ZFPM2: variants seen among roughly 807,000 people sequenced by gnomAD.
ZFPM2 encodes the protein zinc finger protein ZFPM2.
ZFPM2 carries 20 observed loss-of-function variants against 98.6 expected under a neutral mutation model. The observed-to-expected ratio is 0.20, with a 90% CI of 0.14 to 0.29. The LOEUF (loss-of-function observed/expected upper bound fraction) is 0.29, where lower values mean the gene tolerates loss of function less well. Among genes scored for constraint, ZFPM2 ranks in the 10% least tolerant of loss-of-function variants. The pLI, the probability that ZFPM2 is intolerant of heterozygous loss-of-function variation, is 1.00. For synonymous variants in ZFPM2, 518 were observed against 502.7 expected (o/e 1.03, Z -0.41); for missense variants, 1,310 against 1,388.6 (o/e 0.94, Z 0.90).
chr8:105,588,660 T>C (rs539278147), intron 4 of ZFPM2, among the ~76,000 whole-genome samples: 6 of 152,320 alleles, frequency 3.9e-5, no homozygotes, highest in Non-Finnish European at 8.8e-5. Context: ...TCTAAATTTC[T>C]TTTTTATTGG....
intron 5 of ZFPM2, among the ~76,000 whole-genome samples, chr8:105,679,543 G>A (rs1281572919): frequency 6.6e-6 from 1 of 152,030 alleles, no homozygotes; most frequent in African/African-American, 2.4e-5. Flanking sequence ...AAACGTACTG[G>A]GTGAGAGTGG....
At chr8:105,614,154 A>G (rs775962917) in intron 4 of ZFPM2, among the ~76,000 whole-genome samples, 1 of 152,160 alleles carries the variant, frequency 6.6e-6, no homozygotes, top group Non-Finnish European at 1.5e-5. Context: ...TTTTTTTCCA[A>G]ACAATTCCAG....
chr8:105,611,933 G>C (rs1196479343), intron 4 of ZFPM2, among the ~76,000 whole-genome samples: 2 of 151,824 alleles, frequency 1.3e-5, no homozygotes, highest in East Asian at 3.9e-4. Flanking sequence ...CCTGACCTCA[G>C]GCGATCCACC....
chr8:105,561,242 A>G (rs1815127634), intron 3 of ZFPM2, 121 bp from the exon 4 acceptor site: 1 of 768,004 alleles, frequency 1.3e-6, no homozygotes, highest in Non-Finnish European at 2.2e-6. Flanking sequence ...AGACAAGCAT[A>G]ATTAATTCTC....
intron 5 of ZFPM2, among the ~76,000 whole-genome samples, chr8:105,782,199 T>G (rs1464937413): frequency 6.6e-6 from 1 of 152,216 alleles, no homozygotes; most frequent in African/African-American, 2.4e-5. Flanking sequence ...TGGTAACCAC[T>G]TAATAAATGT....
intron 3 of ZFPM2, among the ~76,000 whole-genome samples, chr8:105,469,539 C>T (rs1478533993): frequency 6.6e-6 from 1 of 152,198 alleles, no homozygotes; most frequent in Non-Finnish European, 1.5e-5. Flanking sequence ...TGAGCACTGA[C>T]AGTGTGGAGG....
At chr8:105,357,086 C>A (rs531257077) in intron 1 of ZFPM2, among the ~76,000 whole-genome samples, 30 of 140,166 alleles carry the variant, frequency 2.1e-4, no homozygotes, top group Non-Finnish European at 3.7e-4. Context: ...GGCTTCTGTT[C>A]CGGTGAAGTA....
rs912405256 is a variant in ZFPM2, at chr8:105,803,730, A to AAATT, written c.*197_*200dup. 2.6e-5 allele frequency: 15 copies of AAATT among 582,658 alleles called. No individual in the cohort carries two copies. The African/African-American group carries it at 2.6e-4, about 10-fold the overall frequency. The allele number at this position is 582,658 out of a possible 1,614,324, so 36.1% of individuals were successfully genotyped here. On this transcript the variant is annotated 3_prime_UTR_variant, in exon 8 of 8. Transcript: ENST00000407775. ...TGTATTATTGGTGCCATTTTCAAAAAAATTAATTTATTTTACCAGCAGTAT... is the reference window on the plus strand; with the variant it reads ...TGTATTATTGGTGCCATTTTCAAAAAAATTAATTAATTTATTTTACCAGCAGTAT...
chr8:105,613,413 T>C (rs139269385), intron 4 of ZFPM2, among the ~76,000 whole-genome samples: 189 of 152,214 alleles, frequency 1.2e-3, no homozygotes, highest in African/African-American at 4.3e-3. Flanking sequence ...CAGAAGCTGA[T>C]GAATTTTAGT....
intron 3 of ZFPM2, among the ~76,000 whole-genome samples, chr8:105,512,358 A>T (rs1813834663): frequency 6.6e-6 from 1 of 152,202 alleles, no homozygotes; most frequent in Non-Finnish European, 1.5e-5. Flanking sequence ...CTCTTCTATG[A>T]AATGGGAATG....
At chr8:105,546,603 A>G (rs1009676241) in intron 3 of ZFPM2, among the ~76,000 whole-genome samples, 6 of 151,798 alleles carry the variant, frequency 4.0e-5, no homozygotes, top group Admixed American at 3.9e-4. Flanking sequence ...AAAACCACTA[A>G]GATAAAACTT....
chr8:105,541,674 G>A (rs1814577628), intron 3 of ZFPM2, among the ~76,000 whole-genome samples: 1 of 152,126 alleles, frequency 6.6e-6, no homozygotes, highest in African/African-American at 2.4e-5. Context: ...TTTCACCAGG[G>A]AGCAGTAATA....
intron 5 of ZFPM2, among the ~76,000 whole-genome samples, chr8:105,687,835 T>C (rs1277632298): frequency 6.6e-6 from 1 of 151,748 alleles, no homozygotes; most frequent in Non-Finnish European, 1.5e-5. Flanking sequence ...AATCAAGAAT[T>C]AGGAACATAA....
chr8:105,594,323 G>T (rs1815916766), intron 4 of ZFPM2, among the ~76,000 whole-genome samples: 1 of 152,026 alleles, frequency 6.6e-6, no homozygotes, highest in Non-Finnish European at 1.5e-5. Flanking sequence ...AGAGGGTCTG[G>T]CAGTAAATTT....
chr8:105,552,630 C>G (rs1388609973), intron 3 of ZFPM2, among the ~76,000 whole-genome samples: 1 of 148,536 alleles, frequency 6.7e-6, no homozygotes, highest in Admixed American at 6.8e-5. Context: ...TTTTCAGACA[C>G]CTGGGATGGG....
At chr8:105,773,943 G>A (rs1424319705) in intron 5 of ZFPM2, among the ~76,000 whole-genome samples, 1 of 152,094 alleles carries the variant, frequency 6.6e-6, no homozygotes, top group African/African-American at 2.4e-5. Context: ...GAATTTCAAA[G>A]CCTGGAAAGC....
intron 6 of ZFPM2, among the ~76,000 whole-genome samples, chr8:105,792,053 A>C (rs1311868151): frequency 6.6e-6 from 1 of 152,004 alleles, no homozygotes; most frequent in Non-Finnish European, 1.5e-5. Context: ...TCCTGGATTC[A>C]TTAATTTTTG....
intron 1 of ZFPM2, among the ~76,000 whole-genome samples, chr8:105,325,989 G>A (rs1113601): frequency 0.83 from 125,243 of 151,508 alleles, 51,942 homozygotes; most frequent in East Asian, 0.97. Flanking sequence ...AATATCAACT[G>A]TATTTAGAAA....
intron 4 of ZFPM2, among the ~76,000 whole-genome samples, chr8:105,574,727 A>G (rs1815427488): frequency 6.6e-6 from 1 of 151,568 alleles, no homozygotes; most frequent in Admixed American, 6.6e-5. Context: ...CCTATGTGTA[A>G]TAGTGTAAGC....
Sources: gnomAD v4.1 joint callset for allele counts (sites outside exome capture counted in the v4.1 genomes callset) on GRCh38, gnomAD v4.1.1 for gene constraint, MANE v1.5 for transcripts, NCBI Gene and HGNC (gene_info 2026-07-23, HGNC 2026-07-21) for gene names.